PNKD: variants seen among roughly 807,000 people sequenced by gnomAD.
The protein encoded by PNKD is PNKD metallo-beta-lactamase domain containing, also known as probable thioesterase PNKD.
PNKD carries 36 observed loss-of-function variants against 45.3 expected under a neutral mutation model. That is an observed-to-expected ratio of 0.80 (90% CI 0.61 to 1.05). The LOEUF is 1.05. PNKD is among the 50% of genes least tolerant of loss of function. The probability of loss-of-function intolerance (pLI) is 0.00; values close to 1 mark genes in which losing one functional copy is unlikely to be tolerated. For synonymous variants in PNKD, 197 were observed against 210.1 expected, an observed-to-expected ratio of 0.94 and a Z score of 0.54; for missense variants, 511 against 506.6, an observed-to-expected ratio of 1.01 and a Z score of -0.08.
intron 2 of PNKD, chr2:218,279,215 GCCAC>G: frequency 1.9e-6 from 3 of 1,555,506 alleles, no homozygotes; most frequent in Non-Finnish European, 2.6e-6. Context: ...AGGGCCCACC[GCCAC>G]CCACACCCCC....
intron 2 of PNKD, among the ~76,000 whole-genome samples, chr2:218,336,076 G>A (rs1305565360): frequency 1.3e-5 from 2 of 151,980 alleles, no homozygotes; most frequent in East Asian, 1.9e-4. Context: ...TTAGCCAGGC[G>A]TGGTGGTGGG....
At chr2:218,278,407 T>C in intron 2 of PNKD, 1 of 1,169,390 alleles carries the variant, frequency 8.6e-7, no homozygotes, top group Non-Finnish European at 1.3e-6. Flanking sequence ...TCCTCATTTC[T>C]TGTAAGTTTC....
intron 2 of PNKD, chr2:218,284,279 G>C (rs1336923425): frequency 6.6e-6 from 1 of 152,206 alleles, no homozygotes; most frequent in East Asian, 1.9e-4. Context: ...GTGAAATAAG[G>C]TGGGGGCGAC....
intron 2 of PNKD, among the ~76,000 whole-genome samples, chr2:218,333,231 G>A (rs1200919808): frequency 2.0e-5 from 3 of 152,164 alleles, no homozygotes; most frequent in African/African-American, 7.2e-5. Context: ...TGTTTCTGCT[G>A]TCTCCACTGT....
chr2:218,309,932 TA>T (rs1274963860), intron 2 of PNKD, among the ~76,000 whole-genome samples: 513 of 135,080 alleles, frequency 3.8e-3, no homozygotes, highest in Non-Finnish European at 3.5e-3. Context: ...AGATTACGTC[TA>T]AAAAAAAAAA....
chr2:218,339,645 C>A (rs757117913), intron 2 of PNKD, 138 bp from the exon 3 acceptor site: 1 of 704,154 alleles, frequency 1.4e-6, no homozygotes. Context: ...ACAGTAGGCA[C>A]ATAATAAGTG....
rs769143232 is a variant in PNKD, at chr2:218,342,096, G to T, written c.733G>T (p.Gly245Cys). ...VYLLDGEPYK[G>C]PSCLFSGDLL... is the part of the protein sequence containing the mutation. ...CCTACTGGATGGGGAGCCCTACAAG[G>T]GTCCCTCCTGCCTCTTCTCAGGGGA... The change falls in exon 7 of 10, where the codon GGT becomes TGT. Residue 245 changes from glycine (G) to cysteine (C), a missense_variant. Coordinates refer to ENST00000273077, the MANE Select transcript of PNKD (RefSeq NM_015488.5). 1.2e-6 allele frequency: 2 copies of T among 1,613,840 alleles called. No individual in the cohort carries two copies. The highest frequency in any genetic ancestry group is 2.2e-5 in the East Asian group (1 of 44,880).
chr2:218,301,744 TGCCACTCCA>T (rs1252838636), intron 2 of PNKD, among the ~76,000 whole-genome samples: 2 of 152,062 alleles, frequency 1.3e-5, no homozygotes, highest in Non-Finnish European at 2.9e-5. Flanking sequence ...GCTGTGATTA[TGCCACTCCA>T]GCCTGGGCAA....
chr2:218,281,981 G>C (rs377014319), intron 2 of PNKD: 7 of 1,606,236 alleles, frequency 4.4e-6, no homozygotes, highest in Non-Finnish European at 5.9e-6. Context: ...CATGGGCTGT[G>C]GGTAGCCAGC....
chr2:218,336,196 A>G (rs889805580), intron 2 of PNKD, among the ~76,000 whole-genome samples: 5 of 128,538 alleles, frequency 3.9e-5, no homozygotes, highest in African/African-American at 1.2e-4. Flanking sequence ...GCACGGTGAC[A>G]GAGTGAGACT....
chr2:218,339,268 C>T (rs1443242859), intron 2 of PNKD, among the ~76,000 whole-genome samples: 3 of 151,362 alleles, frequency 2.0e-5, no homozygotes, highest in African/African-American at 4.9e-5. Context: ...CCAAGTCTCT[C>T]TTTTTTTTTA....
Position 218,341,549 on chromosome 2 carries a change from G to A in PNKD, c.540G>A (p.Gly180=), listed in dbSNP as rs748991526. 1.4e-4 allele frequency: 225 copies of A among 1,600,440 alleles called. 2 individuals are homozygous for A. The highest frequency in any genetic ancestry group is 1.9e-4 in the Non-Finnish European group (220 of 1,173,802). Reference sequence around the variant, plus strand: ...TGTCCTGCAGGGACCACAGTGGAGGGAACCGTGACCTCAGCCGGCGGCACC... The same window carrying A: ...TGTCCTGCAGGGACCACAGTGGAGGAAACCGTGACCTCAGCCGGCGGCACC... The part of the protein sequence containing the change: ...CTHKHWDHSG[G]NRDLSRRHRD... The change falls in exon 6 of 10, where the codon GGG becomes GGA. Residue 180 remains glycine (G), a synonymous_variant. Coordinates refer to ENST00000273077, the MANE Select transcript of PNKD (RefSeq NM_015488.5).
intron 2 of PNKD, among the ~76,000 whole-genome samples, chr2:218,285,089 C>T (rs1433440056): frequency 6.6e-6 from 1 of 152,004 alleles, no homozygotes; most frequent in Non-Finnish European, 1.5e-5. Flanking sequence ...GACTTTGTCT[C>T]GAAGAAAATA....
intron 2 of PNKD, among the ~76,000 whole-genome samples, chr2:218,283,878 C>G (rs533677417): frequency 6.6e-6 from 1 of 152,192 alleles, no homozygotes; most frequent in East Asian, 1.9e-4. Flanking sequence ...GTCAGAAATA[C>G]AAAGCTGGCA....
At chr2:218,342,167 G>A (rs762196066) in intron 7 of PNKD, 23 bp downstream of exon 7, 2 of 1,606,410 alleles carry the variant, frequency 1.2e-6, no homozygotes, top group Non-Finnish European at 8.5e-7. Flanking sequence ...GAAAGAGAGA[G>A]GAGCTGGGAG....
At position 218,340,841 on chromosome 2, in the gene PNKD, A is replaced by C; in HGVS notation, c.524+55A>C. ...CCTTGTCCCAGCTGGGCTTGCCAGG[A>C]CTGGGCCCATTGAGGACGGCCGGGG... On this transcript the variant is annotated intron_variant, in intron 5 of 9. Transcript: ENST00000273077. This position sits in a 1 kb window ranked among gnomAD's most constrained non-coding sequence, Gnocchi z 4.2. 1 of 1,478,744 alleles carries C rather than the reference A, an allele frequency of 6.8e-7. No homozygotes were observed. The highest frequency in any genetic ancestry group is 9.5e-7 in the Non-Finnish European group (1 of 1,056,486). The allele number at this position is 1,478,744 out of a possible 1,614,324, so 91.6% of individuals were successfully genotyped here.
Position 218,270,562 on chromosome 2 carries a change from G to T in PNKD, c.27G>T (p.Ala9=). 1 of 1,222,964 alleles carries T rather than the reference G, an allele frequency of 8.2e-7. No homozygotes were observed. Among genetic ancestry groups the T allele is most frequent in the Non-Finnish European group, 1.1e-6 (1 of 947,492 alleles). 75.8% of individuals were successfully genotyped at this position (1,222,964 alleles called of 1,614,324 possible). ...TGGCGGCGGTGGTAGCTGCTACGGCGCTGAAGGGCCGGGGGGCGAGAAATG... is the reference window on the plus strand; with the variant it reads ...TGGCGGCGGTGGTAGCTGCTACGGCTCTGAAGGGCCGGGGGGCGAGAAATG... MAAVVAAT[A]LKGRGARNAR... Residue 9 remains alanine (A), a synonymous_variant, in exon 1 of 10, where the codon GCG becomes GCT. Coordinates refer to ENST00000273077, the MANE Select transcript of PNKD (RefSeq NM_015488.5).
At chr2:218,336,143 AG>A (rs1694483748) in intron 2 of PNKD, among the ~76,000 whole-genome samples, 1 of 145,594 alleles carries the variant, frequency 6.9e-6, no homozygotes, top group Non-Finnish European at 1.5e-5. Context: ...TGAACCCGGG[AG>A]GCAGAGGTTG....
In PNKD at chr2:218,339,779, C is replaced by G; in HGVS notation, c.237-4C>G. 1 of 1,603,058 alleles carries G rather than the reference C, an allele frequency of 6.2e-7. No homozygotes were observed. On this transcript the variant is annotated splice_polypyrimidine_tract_variant and splice_region_variant and intron_variant, in intron 2 of 9. Coordinates refer to ENST00000273077, the MANE Select transcript of PNKD (RefSeq NM_015488.5). The stretch of plus-strand genomic sequence containing the variant: ...TAATCATAGGCCACCCACTCGCCCT[C>G]TAGGTACAGCCTGTACACCCGCACC...
Sources: gnomAD v4.1 joint callset for allele counts (sites outside exome capture counted in the v4.1 genomes callset) on GRCh38, gnomAD v4.1.1 for gene constraint, Gnocchi (gnomAD v3.1) non-coding constraint, MANE v1.5 for transcripts, NCBI Gene and HGNC (gene_info 2026-07-23, HGNC 2026-07-21) for gene names.